Variants in NT5DC3 observed in about 807,000 individuals in gnomAD.
NT5DC3 encodes the protein 5'-nucleotidase domain-containing protein 3.
In NT5DC3, 42 loss-of-function variants were observed where a neutral mutation model predicts 67.8. The ratio of observed to expected loss-of-function variants is 0.62; its 90% CI spans 0.48 to 0.80. NT5DC3 has a LOEUF of 0.80. NT5DC3 is among the 30% of genes least tolerant of loss of function. The pLI, the probability that NT5DC3 is intolerant of heterozygous loss-of-function variation, is 0.00. For synonymous variants in NT5DC3, 237 were observed against 255.6 expected (o/e 0.93, Z 0.69); for missense variants, 570 against 696.4 (o/e 0.82, Z 2.04).
intron 2 of NT5DC3, among the ~76,000 whole-genome samples, 176 bp downstream of exon 2, chr12:103,814,761 T>A (rs556204512): frequency 1.9e-3 from 295 of 152,296 alleles, no homozygotes; most frequent in Middle Eastern, 3.4e-3. Context: ...AGACTTTTTT[T>A]AAAAAAACTA....
chr12:103,760,993 A>G, the NT5DC3 span, among the ~76,000 whole-genome samples: 1 of 67,516 alleles, frequency 1.5e-5, no homozygotes, highest in African/African-American at 7.6e-5. Flanking sequence ...GTCCACAGGC[A>G]TGGGGTTTGC....
the NT5DC3 span, among the ~76,000 whole-genome samples, chr12:103,763,003 G>A: frequency 6.6e-6 from 1 of 152,200 alleles, no homozygotes; most frequent in Non-Finnish European, 1.5e-5. Context: ...AAACACTCCT[G>A]GTAAAGGCTG....
intron 11 of NT5DC3, among the ~76,000 whole-genome samples, chr12:103,785,933 T>G (rs1323389819): frequency 6.6e-6 from 1 of 151,936 alleles, no homozygotes; most frequent in Non-Finnish European, 1.5e-5. Flanking sequence ...GCATGCATGA[T>G]CACATTTTCC....
chr12:103,792,530 G>A (rs1378881220), intron 9 of NT5DC3, among the ~76,000 whole-genome samples: 5 of 152,190 alleles, frequency 3.3e-5, no homozygotes, highest in Non-Finnish European at 7.3e-5. Context: ...AATTTGTGGA[G>A]AACAGCTCTT....
At chr12:103,752,952 T>A in the NT5DC3 span, among the ~76,000 whole-genome samples, 2 of 152,222 alleles carry the variant, frequency 1.3e-5, no homozygotes, top group Non-Finnish European at 2.9e-5. Context: ...TAATGATTAT[T>A]TCTGGAGAAT....
At chr12:103,765,908 A>G (rs1280519246), downstream of NT5DC3, 2 of 357,768 alleles carry the variant, frequency 5.6e-6, no homozygotes, top group Non-Finnish European at 1.1e-5. Flanking sequence ...TGAATTTTCA[A>G]ACCGAAAGGA....
chr12:103,815,934 T>C (rs1887231758), intron 1 of NT5DC3, among the ~76,000 whole-genome samples: 1 of 152,208 alleles, frequency 6.6e-6, no homozygotes, highest in Non-Finnish European at 1.5e-5. Flanking sequence ...CTAAATATCA[T>C]ACATCATCTC....
intron 1 of NT5DC3, among the ~76,000 whole-genome samples, chr12:103,820,194 A>G (rs575315508): frequency 6.6e-6 from 1 of 152,360 alleles, no homozygotes; most frequent in African/African-American, 2.4e-5. Context: ...TGTTATGAAT[A>G]ATGCTGCTAT....
intron 12 of NT5DC3, among the ~76,000 whole-genome samples, chr12:103,783,748 G>A: frequency 6.7e-6 from 1 of 148,704 alleles, no homozygotes; most frequent in Non-Finnish European, 1.5e-5. Context: ...TTCCTTAGTA[G>A]TCAACTTTTT....
chr12:103,838,118 C>A (rs138228139), intron 1 of NT5DC3, among the ~76,000 whole-genome samples: 2,497 of 152,280 alleles, frequency 0.016, 32 homozygotes, highest in Non-Finnish European at 0.023. Flanking sequence ...AAAGCGGAAA[C>A]CCCTGATAAA....
At chr12:103,787,287 G>T (rs1885829964) in intron 11 of NT5DC3, among the ~76,000 whole-genome samples, 154 bp downstream of exon 11, 1 of 148,480 alleles carries the variant, frequency 6.7e-6, no homozygotes. Flanking sequence ...TTAAAAAAAT[G>T]CAGCCTACTT....
intron 13 of NT5DC3, among the ~76,000 whole-genome samples, chr12:103,779,876 G>A (rs746391027): frequency 1.2e-3 from 184 of 152,292 alleles, no homozygotes; most frequent in Non-Finnish European, 1.3e-3. Context: ...AATAGCTGTG[G>A]TTACAAATAA....
chr12:103,767,700 G>A (rs1885043597), downstream of NT5DC3, among the ~76,000 whole-genome samples: 1 of 152,026 alleles, frequency 6.6e-6, no homozygotes, highest in Non-Finnish European at 1.5e-5. Flanking sequence ...CACACTGCAA[G>A]AGTGATTGAT....
rs370438483 is a variant in NT5DC3, at chr12:103,780,366, T to C, written c.1330-2A>G. On this transcript the variant is annotated splice_acceptor_variant, in intron 12 of 13. Transcript: ENST00000392876. LOFTEE classifies it high-confidence loss of function. ...CTGTGACTCAGCATCTCTGTGAACC[T>C]GTAGGACACAAGTCAATTATTACAA... The C allele has an allele frequency of 6.2e-7, 1 of 1,613,596 alleles. No homozygotes were observed. Among genetic ancestry groups the C allele is most frequent in the Non-Finnish European group, 8.5e-7 (1 of 1,179,480 alleles).
At chr12:103,762,869 T>A in the NT5DC3 span, among the ~76,000 whole-genome samples, 1 of 152,158 alleles carries the variant, frequency 6.6e-6, no homozygotes, top group Non-Finnish European at 1.5e-5. Flanking sequence ...AACAGTTGAG[T>A]CCACATCCCA....
chr12:103,756,682 C>T, the NT5DC3 span, among the ~76,000 whole-genome samples: 1 of 152,092 alleles, frequency 6.6e-6, no homozygotes, highest in East Asian at 1.9e-4. Context: ...GCCACTGTTC[C>T]GAGTAGAATC....
chr12:103,840,588 A>C (rs1019036537), intron 1 of NT5DC3, among the ~76,000 whole-genome samples: 3 of 151,920 alleles, frequency 2.0e-5, no homozygotes, highest in Non-Finnish European at 4.4e-5. Flanking sequence ...ATGAGTAACA[A>C]CACCTAACGG....
At chr12:103,778,556 A>C (rs577833026) in intron 13 of NT5DC3, among the ~76,000 whole-genome samples, 1 of 151,992 alleles carries the variant, frequency 6.6e-6, no homozygotes, top group East Asian at 1.9e-4. Flanking sequence ...AACAAACAAA[A>C]AAAACAGTCT....
At chr12:103,756,824 G>A in the NT5DC3 span, among the ~76,000 whole-genome samples, 11 of 151,898 alleles carry the variant, frequency 7.2e-5, no homozygotes, top group Admixed American at 5.9e-4. Context: ...TCTCACTGGT[G>A]TAAAAATCAG....
Sources: gnomAD v4.1 joint callset for allele counts (sites outside exome capture counted in the v4.1 genomes callset) on GRCh38, gnomAD v4.1.1 for gene constraint, MANE v1.5 for transcripts, NCBI Gene and HGNC (gene_info 2026-07-23, HGNC 2026-07-21) for gene names.